NT5C2: variants seen among roughly 807,000 people sequenced by gnomAD.
The protein encoded by NT5C2 is cytosolic purine 5'-nucleotidase.
Under a neutral mutation model 76.1 loss-of-function variants are expected in NT5C2, and 58 were observed. That is an observed-to-expected ratio of 0.76 (90% CI 0.62 to 0.95). NT5C2 has a LOEUF of 0.95. Among genes scored for constraint, NT5C2 ranks in the 40% least tolerant of loss-of-function variants. The pLI, the probability that NT5C2 is intolerant of heterozygous loss-of-function variation, is 0.00. For synonymous variants in NT5C2, 229 were observed against 237.4 expected, an observed-to-expected ratio of 0.96 and a Z score of 0.32; for missense variants, 478 against 690.3, an observed-to-expected ratio of 0.69 and a Z score of 3.45.
intron 4 of NT5C2, among the ~76,000 whole-genome samples, chr10:103,132,492 G>A (rs1003182329): frequency 6.6e-6 from 1 of 152,088 alleles, no homozygotes; most frequent in Non-Finnish European, 1.5e-5. Context: ...CCATAGGAGA[G>A]GGGAAAGGAG....
chr10:103,130,134 A>AT (rs1408911356), intron 4 of NT5C2, among the ~76,000 whole-genome samples: 1 of 151,842 alleles, frequency 6.6e-6, no homozygotes. Flanking sequence ...TGGGGAAAAG[A>AT]TTGAGAAATC....
intron 2 of NT5C2, among the ~76,000 whole-genome samples, chr10:103,177,597 C>A (rs2090239056): frequency 6.6e-6 from 1 of 151,560 alleles, no homozygotes; most frequent in African/African-American, 2.4e-5. Context: ...TCATAGCTCA[C>A]TGTAACCCTG....
intron 3 of NT5C2, among the ~76,000 whole-genome samples, chr10:103,149,861 A>T (rs990104173): frequency 5.8e-5 from 8 of 137,170 alleles, no homozygotes; most frequent in African/African-American, 8.1e-5. Context: ...TCTAGTAATT[A>T]AAAAAAAAAA....
chr10:103,151,754 A>T (rs924530467), intron 3 of NT5C2, among the ~76,000 whole-genome samples: 1 of 152,192 alleles, frequency 6.6e-6, no homozygotes, highest in Non-Finnish European at 1.5e-5. Flanking sequence ...CACTTATGAA[A>T]ACGGTGAATG....
chr10:103,178,726 T>C (rs1307343779), intron 2 of NT5C2, among the ~76,000 whole-genome samples: 5 of 149,912 alleles, frequency 3.3e-5, no homozygotes, highest in African/African-American at 9.8e-5. Flanking sequence ...GCTACTCAGG[T>C]GGCTGACGCA....
At chr10:103,139,836 C>T (rs1159968074) in intron 3 of NT5C2, among the ~76,000 whole-genome samples, 1 of 152,178 alleles carries the variant, frequency 6.6e-6, no homozygotes, top group Non-Finnish European at 1.5e-5. Flanking sequence ...TCATGCTATA[C>T]ATTAGATCTC....
chr10:103,134,929 TGCATGG>T, intron 4 of NT5C2, among the ~76,000 whole-genome samples: 1 of 152,356 alleles, frequency 6.6e-6, no homozygotes, highest in South Asian at 2.1e-4. Context: ...ATTTCAAACT[TGCATGG>T]GGCCTGTAGC....
chr10:103,122,557 T>C (rs2075872294), intron 4 of NT5C2, among the ~76,000 whole-genome samples: 1 of 152,218 alleles, frequency 6.6e-6, no homozygotes, highest in Non-Finnish European at 1.5e-5. Context: ...TAGTTACTGA[T>C]AGGATTTAGG....
In NT5C2 at chr10:103,139,407, A is replaced by G. The variant is rs1337479425; in HGVS notation, c.174T>C (p.Ala58=). 6.4e-7 allele frequency: 1 copy of G among 1,572,196 alleles called. No individual in the cohort carries two copies. The highest frequency in any genetic ancestry group is 8.7e-7 in the Non-Finnish European group (1 of 1,155,648). Residue 58 remains alanine, a splice_region_variant and synonymous_variant, in exon 4 of 19, where the codon GCT becomes GCC. Transcript: ENST00000404739. The part of the protein sequence containing the change: ...CFGFDMDYTL[A]VYKSPEYESL... Reference sequence around the variant, plus strand: ...AAGCAATCAGAAATTGCTACTCACCAGCAAGGGTATAATCCATATCAAAAC... The same window carrying G: ...AAGCAATCAGAAATTGCTACTCACCGGCAAGGGTATAATCCATATCAAAAC...
At position 103,116,897 on chromosome 10, in the gene NT5C2, T is replaced by C. The variant is rs538025740; in HGVS notation, c.176-10191A>G. On this transcript the variant is annotated intron_variant, in intron 4 of 18. Transcript: ENST00000404739. Reference sequence around the variant, plus strand: ...GCCCAGAAATATTGTAACTATACTATGTTGTCAATATTATAGCCTTAATGA... The same window carrying C: ...GCCCAGAAATATTGTAACTATACTACGTTGTCAATATTATAGCCTTAATGA... Among the ~76,000 whole-genome samples the C allele has an allele frequency of 3.3e-5, 5 of 152,274 alleles. No homozygotes were observed. The South Asian group carries it at 1.0e-3, about 32-fold the overall frequency.
chr10:103,095,249 A>G (rs1317072915), intron 12 of NT5C2, among the ~76,000 whole-genome samples: 5 of 152,236 alleles, frequency 3.3e-5, no homozygotes, highest in Non-Finnish European at 5.9e-5. Context: ...GCTAATCACA[A>G]TACTGAGTTA....
chr10:103,169,524 C>T (rs1385621224), intron 3 of NT5C2: 1 of 152,176 alleles, frequency 6.6e-6, no homozygotes, highest in African/African-American at 2.4e-5. Flanking sequence ...GAGGCTGAGA[C>T]AGGAGAATCA....
At chr10:103,166,496 CA>C (rs1435333721) in intron 3 of NT5C2, among the ~76,000 whole-genome samples, 1 of 152,192 alleles carries the variant, frequency 6.6e-6, no homozygotes, top group Non-Finnish European at 1.5e-5. Context: ...GAATTCCATA[CA>C]CAGAATTTTG....
intron 3 of NT5C2, among the ~76,000 whole-genome samples, chr10:103,153,138 T>G (rs549463567): frequency 3.9e-5 from 6 of 152,358 alleles, no homozygotes; most frequent in African/African-American, 1.4e-4. Flanking sequence ...AGATTACACA[T>G]GAAACACTAT....
At chr10:103,163,067 T>C (rs990568749) in intron 3 of NT5C2, among the ~76,000 whole-genome samples, 1 of 152,220 alleles carries the variant, frequency 6.6e-6, no homozygotes, top group African/African-American at 2.4e-5. Context: ...AAGACTGTCT[T>C]ATTTGACTCA....
intron 4 of NT5C2, among the ~76,000 whole-genome samples, chr10:103,123,663 A>G (rs567814977): frequency 2.0e-5 from 3 of 152,346 alleles, no homozygotes; most frequent in Non-Finnish European, 4.4e-5. Flanking sequence ...AATGCGAAGG[A>G]GTGGACACTA....
At chr10:103,159,420 C>T (rs2084252646) in intron 3 of NT5C2, among the ~76,000 whole-genome samples, 1 of 151,956 alleles carries the variant, frequency 6.6e-6, no homozygotes, top group Non-Finnish European at 1.5e-5. Flanking sequence ...ATTATATTTA[C>T]TATAGCATCA....
chr10:103,183,098 G>C (rs1220876600), intron 1 of NT5C2, among the ~76,000 whole-genome samples: 1 of 151,806 alleles, frequency 6.6e-6, no homozygotes, highest in Non-Finnish European at 1.5e-5. Context: ...TCATCTACCA[G>C]TACTGCTGAA....
At chr10:103,105,108 A>G (rs760833190) in intron 6 of NT5C2, among the ~76,000 whole-genome samples, 1 of 152,226 alleles carries the variant, frequency 6.6e-6, no homozygotes, top group Non-Finnish European at 1.5e-5. Flanking sequence ...CTAGGGTAAA[A>G]AGTTCAAATT....
Sources: allele counts gnomAD v4.1 joint callset (sites outside exome capture counted in the v4.1 genomes callset), GRCh38; gene constraint gnomAD v4.1.1; transcripts MANE v1.5; gene names NCBI Gene and HGNC (gene_info 2026-07-23, HGNC 2026-07-21).